Variants in CCDC150 observed in about 807,000 individuals in gnomAD.
The protein encoded by CCDC150 is coiled-coil domain-containing protein 150.
CCDC150 carries 151 observed loss-of-function variants against 156.5 expected under a neutral mutation model. That is an observed-to-expected ratio of 0.97 (90% CI 0.85 to 1.10). The LOEUF (loss-of-function observed/expected upper bound fraction) is 1.10. CCDC150 is among the 50% of genes least tolerant of loss of function. The pLI is 0.00. For synonymous variants in CCDC150, 452 were observed against 429.4 expected, an observed-to-expected ratio of 1.05 and a Z score of -0.65; for missense variants, 1,312 against 1,268.1, an observed-to-expected ratio of 1.03 and a Z score of -0.53.
At chr2:196,713,310 A>G (rs1697262568) in intron 17 of CCDC150, 1 of 1,425,336 alleles carries the variant, frequency 7.0e-7, no homozygotes, top group Non-Finnish European at 9.2e-7. Context: ...TCCTTGAAAA[A>G]TAACTCTAGG....
chr2:196,699,758 G>T (rs1285417804), intron 14 of CCDC150, among the ~76,000 whole-genome samples: 2 of 152,174 alleles, frequency 1.3e-5, no homozygotes. Flanking sequence ...GGCCTCAAGT[G>T]ATTCTCCCAC....
At chr2:196,722,408 T>C (rs1029953299) in intron 21 of CCDC150, among the ~76,000 whole-genome samples, 1 of 151,566 alleles carries the variant, frequency 6.6e-6, no homozygotes, top group Non-Finnish European at 1.5e-5. Flanking sequence ...CCTGAGTAGC[T>C]GGAACTACAG....
intron 5 of CCDC150, among the ~76,000 whole-genome samples, 197 bp from the exon 6 acceptor site, chr2:196,665,370 T>C (rs1189150660): frequency 6.6e-6 from 1 of 152,204 alleles, no homozygotes; most frequent in Non-Finnish European, 1.5e-5. Context: ...ATGGGTGCAA[T>C]AAGTTTGATC....
intron 13 of CCDC150, among the ~76,000 whole-genome samples, chr2:196,679,759 A>G (rs1694711976): frequency 6.6e-6 from 1 of 152,184 alleles, no homozygotes; most frequent in Non-Finnish European, 1.5e-5. Flanking sequence ...CAGTTTCTCT[A>G]CATTCTCACT....
chr2:196,649,613 A>C (rs1259542122), intron 2 of CCDC150, among the ~76,000 whole-genome samples: 3 of 152,326 alleles, frequency 2.0e-5, no homozygotes, highest in African/African-American at 4.8e-5. Context: ...CTAACAACAC[A>C]TATCTCAGAA....
chr2:196,694,321 C>T (rs1412283456), intron 13 of CCDC150, among the ~76,000 whole-genome samples: 2 of 151,946 alleles, frequency 1.3e-5, no homozygotes, highest in Admixed American at 1.3e-4. Flanking sequence ...CTCCCAAAGA[C>T]CTGGGATTAC....
intron 15 of CCDC150, among the ~76,000 whole-genome samples, chr2:196,702,505 G>A (rs1696293441): frequency 6.6e-6 from 1 of 151,942 alleles, no homozygotes; most frequent in Admixed American, 6.6e-5. Flanking sequence ...GGATTCAGGT[G>A]TGCAGCACCA....
intron 26 of CCDC150, among the ~76,000 whole-genome samples, chr2:196,731,468 G>A (rs1323853863): frequency 6.7e-6 from 1 of 148,784 alleles, no homozygotes; most frequent in Non-Finnish European, 1.5e-5. Context: ...TTGGCTCACT[G>A]CAATCTCCGC....
At chr2:196,705,709 A>G (rs1340506498) in intron 15 of CCDC150, among the ~76,000 whole-genome samples, 1 of 152,176 alleles carries the variant, frequency 6.6e-6, no homozygotes, top group Non-Finnish European at 1.5e-5. Flanking sequence ...TCTTTAATCC[A>G]TCTTGAATTA....
At chr2:196,719,865 T>C in intron 19 of CCDC150, 199 bp downstream of exon 19, 1 of 404,016 alleles carries the variant, frequency 2.5e-6, no homozygotes, top group Non-Finnish European at 4.4e-6. Flanking sequence ...AAAATGCCCC[T>C]ATTGTGTAGT....
At chr2:196,732,346 T>A in intron 27 of CCDC150, 100 bp from the exon 28 acceptor site, 2 of 1,112,844 alleles carry the variant, frequency 1.8e-6, no homozygotes, top group Non-Finnish European at 1.3e-6. Flanking sequence ...TTAGAATCAC[T>A]TGTCTTCATG....
intron 15 of CCDC150, among the ~76,000 whole-genome samples, chr2:196,705,612 A>C (rs1217265044): frequency 6.6e-6 from 1 of 152,182 alleles, no homozygotes; most frequent in Admixed American, 6.5e-5. Flanking sequence ...TGTTTTAGTC[A>C]TGAAGTCTTT....
chr2:196,668,966 T>G (rs1004546002), intron 7 of CCDC150, among the ~76,000 whole-genome samples: 1 of 152,228 alleles, frequency 6.6e-6, no homozygotes, highest in Non-Finnish European at 1.5e-5. Context: ...ATTTCTGGCT[T>G]TAGAATATTT....
At chr2:196,648,970 GCTAT>G (rs1246641885) in intron 2 of CCDC150, among the ~76,000 whole-genome samples, 9 of 152,048 alleles carry the variant, frequency 5.9e-5, no homozygotes, top group African/African-American at 2.2e-4. Flanking sequence ...TTATTTCTGG[GCTAT>G]CTATTCTATT....
At chr2:196,695,810 C>CAAAAA (rs1281920360) in intron 14 of CCDC150, among the ~76,000 whole-genome samples, 1 of 83,150 alleles carries the variant, frequency 1.2e-5, no homozygotes, top group Non-Finnish European at 2.7e-5. Flanking sequence ...GATTCCGTCT[C>CAAAAA]AAAAAAAAAA....
At position 196,658,878 on chromosome 2, in the gene CCDC150, A is replaced by G; in HGVS notation, c.645+18A>G. 2 of 1,548,800 alleles carry G rather than the reference A, an allele frequency of 1.3e-6. No homozygotes were observed. The highest frequency in any genetic ancestry group is 1.2e-5 in the South Asian group (1 of 85,106). On this transcript the variant is annotated intron_variant, in intron 5 of 27. Coordinates refer to ENST00000389175, the MANE Select transcript of CCDC150 (RefSeq NM_001080539.2). The stretch of plus-strand genomic sequence containing the variant: ...TTCAAGAGGTAAGACAAAAAGATGG[A>G]GGGTGGAGGAGGTGTTGGAATTGCA...
chr2:196,713,415 T>A (rs1697270878), intron 17 of CCDC150: 1 of 1,537,980 alleles, frequency 6.5e-7, no homozygotes, highest in African/African-American at 1.4e-5. Context: ...TCCCCCGAAA[T>A]CTCTAGGTCC....
intron 4 of CCDC150, among the ~76,000 whole-genome samples, chr2:196,657,875 CTTG>C (rs1049488095): frequency 1.3e-5 from 2 of 152,258 alleles, no homozygotes; most frequent in East Asian, 1.9e-4. Context: ...TACCTGTTGT[CTTG>C]TTGTTACCCG....
Position 196,658,777 on chromosome 2 carries a change from T to G in CCDC150, c.577-15T>G. The G allele has an allele frequency of 6.4e-7, 1 of 1,571,222 alleles. No individual in the cohort carries two copies. Among genetic ancestry groups the G allele is most frequent in the Non-Finnish European group, 8.7e-7 (1 of 1,148,646 alleles). On this transcript the variant is annotated splice_polypyrimidine_tract_variant and intron_variant, in intron 4 of 27. Coordinates refer to ENST00000389175, the MANE Select transcript of CCDC150 (RefSeq NM_001080539.2). ...ATTTCAGATTATTTAGAATCTTTTC[T>G]CCTTCTACTTTTAGAAGAATGCAGC...
Sources: gnomAD v4.1 joint callset for allele counts (sites outside exome capture counted in the v4.1 genomes callset) on GRCh38, gnomAD v4.1.1 for gene constraint, MANE v1.5 for transcripts, NCBI Gene and HGNC (gene_info 2026-07-23, HGNC 2026-07-21) for gene names.